The following ATP11A variants were observed in gnomAD, a reference collection of about 807,000 sequenced individuals.
ATP11A encodes the protein ATPase phospholipid transporting 11A.
A neutral mutation model predicts 154.4 loss-of-function variants in ATP11A; 81 were observed. The observed-to-expected ratio is 0.52, with a 90% confidence interval of 0.44 to 0.63. The LOEUF (loss-of-function observed/expected upper bound fraction) is 0.63, where lower values mean the gene tolerates loss of function less well. ATP11A is among the 30% of genes least tolerant of loss of function. The pLI is 0.00. For synonymous variants in ATP11A, 623 were observed against 585.9 expected, an observed-to-expected ratio of 1.06 and a Z score of -0.91; for missense variants, 1,316 against 1,474.3, an observed-to-expected ratio of 0.89 and a Z score of 1.76.
intron 12 of ATP11A, among the ~76,000 whole-genome samples, chr13:112,828,666 T>C (rs148830447): frequency 2.4e-4 from 36 of 152,338 alleles, no homozygotes; most frequent in African/African-American, 7.9e-4. Flanking sequence ...GTCCATCTCC[T>C]TGGAGTTCTG....
intron 1 of ATP11A, among the ~76,000 whole-genome samples, chr13:112,751,861 G>A (rs1224369746): frequency 6.6e-6 from 1 of 152,134 alleles, no homozygotes; most frequent in East Asian, 1.9e-4. Flanking sequence ...ACAGGCATCA[G>A]CCACTGTGAC....
intron 1 of ATP11A, among the ~76,000 whole-genome samples, chr13:112,763,319 C>T (rs1268757979): frequency 6.6e-6 from 1 of 152,180 alleles, no homozygotes; most frequent in Non-Finnish European, 1.5e-5. Context: ...GGACAGGCCT[C>T]ATCCCACCCT....
chr13:112,701,130 A>C (rs1886472416), intron 1 of ATP11A, among the ~76,000 whole-genome samples: 2 of 152,298 alleles, frequency 1.3e-5, no homozygotes, highest in Admixed American at 1.3e-4. Flanking sequence ...AATACACAGA[A>C]ATTCGAGTCC....
intron 29 of ATP11A, among the ~76,000 whole-genome samples, chr13:112,878,948 C>CA (rs1462265425): frequency 6.6e-6 from 1 of 152,014 alleles, no homozygotes; most frequent in Non-Finnish European, 1.5e-5. Context: ...CATTGTTTTT[C>CA]AAAAAAGCCT....
intron 1 of ATP11A, among the ~76,000 whole-genome samples, chr13:112,752,760 C>T (rs184775077): frequency 1.1e-4 from 16 of 152,234 alleles, no homozygotes; most frequent in East Asian, 5.8e-4. Flanking sequence ...TACTTTCCAC[C>T]GCCGATAACC....
At chr13:112,758,863 C>T (rs2076904000) in intron 1 of ATP11A, among the ~76,000 whole-genome samples, 1 of 152,182 alleles carries the variant, frequency 6.6e-6, no homozygotes, top group African/African-American at 2.4e-5. Flanking sequence ...GGTGTGTGCT[C>T]TTCATAAATG....
At chr13:112,723,340 C>T (rs1373201201) in intron 1 of ATP11A, among the ~76,000 whole-genome samples, 2 of 108,992 alleles carry the variant, frequency 1.8e-5, no homozygotes, top group Non-Finnish European at 3.7e-5. Context: ...GGCGCGATCT[C>T]GGCTCACTGC....
At position 112,806,219 on chromosome 13, in the gene ATP11A, A is replaced by G; in HGVS notation, c.259A>G (p.Ile87Val). ...FLIIFLVQLI[I>V]DTPTSPVTSG... The stretch of plus-strand genomic sequence containing the variant: ...CAATTCTCTCTTTCTGCAGTTGATT[A>G]TTGATACACCCACAAGTCCAGTGAC... The change falls in exon 4 of 30, where the codon ATT (isoleucine) becomes GTT (valine). Residue 87 changes from isoleucine to valine, a missense_variant. Transcript: ENST00000375645. 2.5e-6 allele frequency: 4 copies of G among 1,611,946 alleles called. No individual in the cohort carries two copies. Among genetic ancestry groups the G allele is most frequent in the Non-Finnish European group, 8.5e-7 (1 of 1,178,852 alleles).
chr13:112,703,896 C>T (rs865951779), intron 1 of ATP11A, among the ~76,000 whole-genome samples: 18 of 152,192 alleles, frequency 1.2e-4, no homozygotes, highest in African/African-American at 4.1e-4. Context: ...GGGATTGGGC[C>T]TGTCTGCTCA....
chr13:112,745,786 T>C (rs948626810), intron 1 of ATP11A: 1 of 152,206 alleles, frequency 6.6e-6, no homozygotes, highest in African/African-American at 2.4e-5. Context: ...AAAAAAAGCA[T>C]GCATGGAACT....
chr13:112,814,630 G>C (rs2078591943), intron 5 of ATP11A, among the ~76,000 whole-genome samples: 1 of 152,142 alleles, frequency 6.6e-6, no homozygotes, highest in African/African-American at 2.4e-5. Context: ...CTTTTCCACG[G>C]AGTGGCGCTT....
intron 18 of ATP11A, chr13:112,851,636 C>T (rs1026708317): frequency 1.3e-5 from 2 of 155,272 alleles, no homozygotes; most frequent in Non-Finnish European, 2.9e-5. Flanking sequence ...GTCCTCCCTT[C>T]TCAGCCTCCT....
intron 1 of ATP11A, among the ~76,000 whole-genome samples, chr13:112,768,832 C>G (rs1462884755): frequency 6.6e-6 from 1 of 152,178 alleles, no homozygotes; most frequent in Non-Finnish European, 1.5e-5. Context: ...GGTGCTGAGG[C>G]TTGAGCGTCT....
chr13:112,820,303 C>G (rs979081667), intron 8 of ATP11A, among the ~76,000 whole-genome samples: 3 of 152,204 alleles, frequency 2.0e-5, no homozygotes, highest in Non-Finnish European at 4.4e-5. Flanking sequence ...ACTGATTTGT[C>G]TTCAGATATG....
rs983295267 is a variant in ATP11A, at chr13:112,807,184, A to C, written c.333+891A>C. Among the ~76,000 whole-genome samples, 8 of 152,238 alleles carry C rather than the reference A, an allele frequency of 5.3e-5. 1 individual carries two copies. Among genetic ancestry groups the C allele is most frequent in the Non-Finnish European group, 7.3e-5 (5 of 68,048 alleles). ...GGAGGCACCACGGGCCGCCGGCAGG[A>C]GCGTGGCGGAGCCACCAAGCACAGC... On this transcript the variant is annotated intron_variant, in intron 4 of 29. Transcript: ENST00000375645. This position sits in a 1 kb window ranked among gnomAD's most constrained non-coding sequence, Gnocchi z 4.5.
chr13:112,810,593 C>G, intron 4 of ATP11A, 26 bp from the exon 5 acceptor site: 2 of 1,588,020 alleles, frequency 1.3e-6, no homozygotes, highest in Non-Finnish European at 8.6e-7. Flanking sequence ...TGCTTCCTCT[C>G]TCCCTTCTTT....
At chr13:112,810,495 A>AT (rs2078459476) in intron 4 of ATP11A, 124 bp from the exon 5 acceptor site, 1 of 762,058 alleles carries the variant, frequency 1.3e-6, no homozygotes, top group Admixed American at 2.2e-5. Flanking sequence ...GCTGAAAAAT[A>AT]CACCCCCACA....
chr13:112,697,752 T>G lies in ATP11A; in HGVS notation c.39+7297T>G. On this transcript the variant is annotated intron_variant, in intron 1 of 29. Transcript: ENST00000375645. The surrounding 1 kb of genome is among the most constrained non-coding windows in gnomAD (Gnocchi z 4.0). ...GTTTTTTTTTTTTTTTTTTTTTTTT[T>G]TAGTAGAGATGGGGTTTCACCATAT... is the stretch of plus-strand genomic sequence containing the variant. Among the ~76,000 whole-genome samples the G allele has an allele frequency of 7.7e-6, 1 of 130,538 alleles. No individual in the cohort carries two copies. The highest frequency in any genetic ancestry group is 2.8e-5 in the African/African-American group (1 of 36,360). 85.6% of individuals were successfully genotyped at this position (130,538 alleles called of 152,430 possible).
At chr13:112,781,042 T>C (rs747239485) in intron 1 of ATP11A, among the ~76,000 whole-genome samples, 23 of 152,090 alleles carry the variant, frequency 1.5e-4, no homozygotes, top group Non-Finnish European at 3.2e-4. Context: ...TTTGTTTGTT[T>C]GTTTGTTCGT....
Sources: allele counts gnomAD v4.1 joint callset (sites outside exome capture counted in the v4.1 genomes callset), GRCh38; gene constraint gnomAD v4.1.1; non-coding constraint Gnocchi (gnomAD v3.1); transcripts MANE v1.5; gene names NCBI Gene and HGNC (gene_info 2026-07-23, HGNC 2026-07-21).